RBFOX1: variants seen among roughly 807,000 people sequenced by gnomAD.
The protein encoded by RBFOX1 is RNA binding protein fox-1 homolog 1.
RBFOX1 carries 8 observed loss-of-function variants against 57.7 expected under a neutral mutation model. The ratio of observed to expected loss-of-function variants is 0.14; its 90% CI spans 0.08 to 0.25. The LOEUF (loss-of-function observed/expected upper bound fraction) is 0.25, where lower values mean the gene tolerates loss of function less well. RBFOX1 is among the 10% of genes least tolerant of loss of function. The probability of loss-of-function intolerance (pLI) is 1.00; values close to 1 mark genes in which losing one functional copy is unlikely to be tolerated. For missense variants in RBFOX1, 611 were observed against 548.5 expected, an observed-to-expected ratio of 1.11 and a Z score of -1.14; for synonymous variants, 326 against 222.4, an observed-to-expected ratio of 1.47 and a Z score of -4.15.
At chr16:5,832,342 G>C (rs1196353980) in intron 3 of RBFOX1, among the ~76,000 whole-genome samples, 7 of 152,186 alleles carry the variant, frequency 4.6e-5, no homozygotes, top group African/African-American at 1.7e-4. Context: ...TCCACAGAAG[G>C]AAGGCTGAGG....
At chr16:7,179,357 A>C (rs192146537) in intron 4 of RBFOX1, among the ~76,000 whole-genome samples, 103 of 152,250 alleles carry the variant, frequency 6.8e-4, no homozygotes, top group Middle Eastern at 3.4e-3. Flanking sequence ...TACCTAAGAG[A>C]ACATAATTCT....
chr16:7,128,604 G>A (rs2069269309), intron 4 of RBFOX1, among the ~76,000 whole-genome samples: 1 of 152,166 alleles, frequency 6.6e-6, no homozygotes, highest in Non-Finnish European at 1.5e-5. Context: ...AAAGCCTGGA[G>A]AGGCTCATGC....
chr16:6,816,737 C>G (rs1358984895), intron 3 of RBFOX1, among the ~76,000 whole-genome samples: 1 of 95,650 alleles, frequency 1.0e-5, no homozygotes, highest in African/African-American at 3.7e-5. Flanking sequence ...AAGACTGTCT[C>G]AAAAAAAAAA....
At chr16:6,103,975 C>T (rs1479461789) in intron 1 of RBFOX1, among the ~76,000 whole-genome samples, 1 of 152,152 alleles carries the variant, frequency 6.6e-6, no homozygotes, top group African/African-American at 2.4e-5. Context: ...CCTCTGTGGT[C>T]TCAGCTTATT....
At chr16:7,483,892 C>T (rs908031298) in intron 4 of RBFOX1, among the ~76,000 whole-genome samples, 2 of 150,952 alleles carry the variant, frequency 1.3e-5, no homozygotes, top group East Asian at 1.9e-4. Context: ...CAATCTAATT[C>T]ATCCGCTTAA....
intron 3 of RBFOX1, among the ~76,000 whole-genome samples, chr16:5,699,330 G>A (rs2050952144): frequency 6.7e-6 from 1 of 149,720 alleles, no homozygotes; most frequent in Non-Finnish European, 1.5e-5. Context: ...TGTGATATGG[G>A]TATATTTAGA....
Position 6,368,100 on chromosome 16 carries a change from C to T in RBFOX1, c.-64+51043C>T, listed in dbSNP as rs1034469077. On this transcript the variant is annotated intron_variant, in intron 2 of 15. Coordinates refer to ENST00000550418, the MANE Select transcript of RBFOX1 (RefSeq NM_018723.4). Reference sequence around the variant, plus strand: ...GTTGTTTCCGTCATTTTGTACCCTTCCTCTTCTTCTCTTTGTAAGCTTAAG... The same window carrying T: ...GTTGTTTCCGTCATTTTGTACCCTTTCTCTTCTTCTCTTTGTAAGCTTAAG... 5.3e-5 allele frequency among the ~76,000 whole-genome samples: 8 copies of T among 152,288 alleles called. 1 individual carries two copies. The Middle Eastern group carries it at 0.014, about 259-fold the overall frequency.
intron 1 of RBFOX1, among the ~76,000 whole-genome samples, chr16:6,224,874 C>A (rs769045972): frequency 6.6e-6 from 1 of 151,972 alleles, no homozygotes; most frequent in South Asian, 2.1e-4. Flanking sequence ...AAAAAATTAG[C>A]TGGGTGTGGT....
At chr16:5,718,934 G>T (rs1408482403) in intron 3 of RBFOX1, among the ~76,000 whole-genome samples, 1 of 149,920 alleles carries the variant, frequency 6.7e-6, no homozygotes, top group African/African-American at 2.4e-5. Context: ...ATGAATGAAT[G>T]AATGAACTTT....
At chr16:6,063,142 G>T (rs72772837) in intron 1 of RBFOX1, among the ~76,000 whole-genome samples, 18,735 of 152,048 alleles carry the variant, frequency 0.12, 1,249 homozygotes, top group East Asian at 0.25. Context: ...ACCTAGACTA[G>T]TTAACACATA....
intron 4 of RBFOX1, among the ~76,000 whole-genome samples, chr16:7,491,415 G>A (rs2066931723): frequency 1.0e-5 from 1 of 99,322 alleles, no homozygotes; most frequent in Non-Finnish European, 2.5e-5. Context: ...TGACTCCATT[G>A]TGAGCAGAAG....
Position 7,312,669 on chromosome 16 carries a change from C to T in RBFOX1, c.28-205478C>T, listed in dbSNP as rs755679097. Among the ~76,000 whole-genome samples the T allele has an allele frequency of 2.0e-5, 3 of 152,070 alleles. No individual in the cohort carries two copies. In the South Asian group the frequency reaches 6.2e-4, roughly 32 times the overall value. The stretch of plus-strand genomic sequence containing the variant: ...ATGGCTACACAGCTCAATTAATGCT[C>T]AGTGTCAGGAGGAGGGAAAATAAAA... On this transcript the variant is annotated intron_variant, in intron 4 of 15. Coordinates refer to ENST00000550418, the MANE Select transcript of RBFOX1 (RefSeq NM_018723.4).
chr16:5,937,099 G>C (rs1179267312), intron 4 of RBFOX1, among the ~76,000 whole-genome samples: 1 of 152,190 alleles, frequency 6.6e-6, no homozygotes, highest in African/African-American at 2.4e-5. Flanking sequence ...AAAGTCTAGT[G>C]TGGATAATTT....
intron 4 of RBFOX1, among the ~76,000 whole-genome samples, chr16:7,097,375 A>C (rs963824445): frequency 1.3e-5 from 2 of 152,120 alleles, no homozygotes; most frequent in African/African-American, 4.8e-5. Flanking sequence ...GGTAGATTAG[A>C]GTTGCTTGCA....
At chr16:7,311,501 T>C (rs553864005) in intron 4 of RBFOX1, among the ~76,000 whole-genome samples, 14 of 120,010 alleles carry the variant, frequency 1.2e-4, no homozygotes, top group Non-Finnish European at 1.9e-4. Context: ...TTTTTTGGCA[T>C]TCGATGTTTG....
intron 1 of RBFOX1, among the ~76,000 whole-genome samples, chr16:6,233,462 C>A (rs1051766752): frequency 6.6e-6 from 1 of 152,110 alleles, no homozygotes; most frequent in African/African-American, 2.4e-5. Context: ...TTATATTACC[C>A]CATAGGCAGC....
At chr16:7,508,765 C>A (rs182525479) in intron 4 of RBFOX1, among the ~76,000 whole-genome samples, 3 of 152,116 alleles carry the variant, frequency 2.0e-5, no homozygotes, top group Admixed American at 6.5e-5. Context: ...TTCTTCCAGG[C>A]GGTCTCTTCC....
chr16:6,176,252 T>G (rs2097006947), intron 1 of RBFOX1, among the ~76,000 whole-genome samples: 1 of 151,484 alleles, frequency 6.6e-6, no homozygotes, highest in Non-Finnish European at 1.5e-5. Flanking sequence ...TTCAAGTAAT[T>G]CTCCTGCCTC....
intron 1 of RBFOX1, among the ~76,000 whole-genome samples, chr16:5,449,102 G>A (rs532470650): frequency 6.6e-6 from 1 of 152,216 alleles, no homozygotes; most frequent in East Asian, 1.9e-4. Context: ...CACACTTCTA[G>A]CTCTGAATCC....
Sources: allele counts gnomAD v4.1 joint callset (sites outside exome capture counted in the v4.1 genomes callset), GRCh38; gene constraint gnomAD v4.1.1; transcripts MANE v1.5; gene names NCBI Gene and HGNC (gene_info 2026-07-23, HGNC 2026-07-21).